Variants in DAW1 observed in about 807,000 individuals in gnomAD.
DAW1 encodes dynein assembly factor with WD repeats 1.
DAW1 carries 47 observed loss-of-function variants against 56.5 expected under a neutral mutation model. The ratio of observed to expected loss-of-function variants is 0.83; its 90% CI spans 0.66 to 1.06. The LOEUF is 1.06. Among genes scored for constraint, DAW1 ranks in the 50% least tolerant of loss-of-function variants. The probability of loss-of-function intolerance (pLI) is 0.00; values close to 1 mark genes in which losing one functional copy is unlikely to be tolerated. For synonymous variants in DAW1, 190 were observed against 179.0 expected (o/e 1.06, Z -0.49); for missense variants, 505 against 499.3 (o/e 1.01, Z -0.11).
chr2:227,871,701 G>T lies in DAW1; in HGVS notation c.12G>T (p.Lys4Asn), dbSNP rs747984836. 8.7e-6 allele frequency: 14 copies of T among 1,613,782 alleles called. No homozygotes were observed. The highest frequency in any genetic ancestry group is 1.2e-5 in the Non-Finnish European group (14 of 1,179,928). ...AAGAGAGCAAGAAAATGAAGCTCAA[G>T]AGCCTCCTGCTCCGGTATTACCCGC... The part of the protein sequence containing the change: MKL[K>N]SLLLRYYPPG... Residue 4 changes from lysine (K) to asparagine (N), a missense_variant, in exon 1 of 13, where the codon AAG (lysine) becomes AAT (asparagine). Transcript: ENST00000309931.
chr2:227,915,565 T>C (rs925194354), intron 10 of DAW1, among the ~76,000 whole-genome samples: 1 of 152,130 alleles, frequency 6.6e-6, no homozygotes, highest in African/African-American at 2.4e-5. Flanking sequence ...AAACTATTTC[T>C]GTGACACCTC....
chr2:227,922,587 G>T (rs1407077546), intron 12 of DAW1, among the ~76,000 whole-genome samples: 2 of 152,148 alleles, frequency 1.3e-5, no homozygotes, highest in East Asian at 3.9e-4. Context: ...AGTCTAATAA[G>T]TTAAATGCCA....
At chr2:227,888,028 T>C (rs1447871787) in intron 2 of DAW1, among the ~76,000 whole-genome samples, 1 of 152,210 alleles carries the variant, frequency 6.6e-6, no homozygotes, top group Non-Finnish European at 1.5e-5. Flanking sequence ...TGTTATGAAA[T>C]TAATTATCTT....
intron 10 of DAW1, chr2:227,912,239 CT>C (rs765831724): frequency 4.2e-6 from 2 of 472,038 alleles, no homozygotes; most frequent in Non-Finnish European, 3.9e-6. Flanking sequence ...TTCTCTTTTT[CT>C]TTTTTTCTTT....
rs551897975 is a variant in DAW1 at position 227,893,260 on chromosome 2, ACT to A, written c.318-532_318-531del. Among the ~76,000 whole-genome samples, 386 of 130,470 alleles carry A rather than the reference ACT, an allele frequency of 3.0e-3. 2 individuals carry two copies. The highest frequency in any genetic ancestry group is 0.011 in the African/African-American group (362 of 33,880). The allele number at this position is 130,470 out of a possible 152,430, so 85.6% of individuals were successfully genotyped here. ...ACTCCAGCCTGGGTGACAGAGCAAG[ACT>A]CTGTCTCGGGGGTGGGGTGGGGGTT... is the stretch of plus-strand genomic sequence containing the variant. On this transcript the variant is annotated intron_variant, in intron 4 of 12. Transcript: ENST00000309931.
chr2:227,898,326 T>C, intron 6 of DAW1, 45 bp downstream of exon 6: 1 of 1,005,436 alleles, frequency 9.9e-7, no homozygotes, highest in Admixed American at 4.3e-5. Context: ...TATATATATA[T>C]ATTATTTTCT....
At position 227,889,836 on chromosome 2, in the gene DAW1, CT is replaced by C; in HGVS notation, c.114-14del. The C allele has an allele frequency of 1.3e-6, 2 of 1,540,660 alleles. No homozygotes were observed. Among genetic ancestry groups the C allele is most frequent in the Non-Finnish European group, 1.7e-6 (2 of 1,151,780 alleles). ...ATTTTGACATAAAATAAAAGAAACTCTTTTTTGGGTGTATTTCAGCACTGAT... is the reference window on the plus strand; with the variant it reads ...ATTTTGACATAAAATAAAAGAAACTCTTTTTGGGTGTATTTCAGCACTGAT... On this transcript the variant is annotated intron_variant, in intron 2 of 12. Transcript: ENST00000309931.
intron 1 of DAW1, chr2:227,876,332 C>T: frequency 1.1e-6 from 1 of 945,242 alleles, no homozygotes; most frequent in Non-Finnish European, 1.4e-6. Flanking sequence ...GCCTAGGATT[C>T]TTAGGCTCAC....
At position 227,912,382 on chromosome 2, in the gene DAW1, C is replaced by G. The variant is rs777233063; in HGVS notation, c.973+5130C>G. On this transcript the variant is annotated intron_variant, in intron 10 of 12. Transcript: ENST00000309931. ...CGAGTTATGTCACGTTCTTGGTAATCATGTTTGATGTTATCCGGTGTGTTC... is the reference window on the plus strand; with the variant it reads ...CGAGTTATGTCACGTTCTTGGTAATGATGTTTGATGTTATCCGGTGTGTTC... 9.2e-6 allele frequency: 12 copies of G among 1,304,768 alleles called. No individual in the cohort carries two copies. In the South Asian group the frequency reaches 1.4e-4, roughly 15 times the overall value. The allele number at this position is 1,304,768 out of a possible 1,614,324, so 80.8% of individuals were successfully genotyped here.
At chr2:227,888,655 C>A (rs115439229) in intron 2 of DAW1, among the ~76,000 whole-genome samples, 185 of 152,366 alleles carry the variant, frequency 1.2e-3, no homozygotes, top group African/African-American at 4.3e-3. Context: ...AGCTCCAACC[C>A]TGACTCTGGG....
At chr2:227,884,766 G>A (rs1355343574) in intron 1 of DAW1, among the ~76,000 whole-genome samples, 1 of 152,186 alleles carries the variant, frequency 6.6e-6, no homozygotes, top group African/African-American at 2.4e-5. Flanking sequence ...AGACATCCCT[G>A]GATGTCACCG....
intron 1 of DAW1, chr2:227,872,222 G>A (rs1219533758): frequency 3.5e-5 from 5 of 144,084 alleles, no homozygotes; most frequent in African/African-American, 1.3e-4. Context: ...AGAAATAGGA[G>A]TGCAATTCTT....
At chr2:227,902,926 C>T (rs1691580807) in intron 6 of DAW1, 76 bp from the exon 7 acceptor site, 2 of 1,429,502 alleles carry the variant, frequency 1.4e-6, no homozygotes, top group Non-Finnish European at 2.0e-6. Context: ...GTAATTGCAT[C>T]TGGAAGATTT....
chr2:227,893,819 G>T lies in DAW1; in HGVS notation c.342G>T (p.Arg114=), dbSNP rs1379406195. 1.9e-6 allele frequency: 3 copies of T among 1,613,370 alleles called. No individual in the cohort carries two copies. The highest frequency in any genetic ancestry group is 2.5e-6 in the Non-Finnish European group (3 of 1,179,758). ...GSCFITGSYD[R]TCKLWDTASG... ...GCTTTATCACAGGAAGCTATGATCG[G>T]ACGTGCAAGCTCTGGGACACTGCGT... The change falls in exon 5 of 13, where the codon CGG becomes CGT. Residue 114 remains arginine (R), a synonymous_variant. Coordinates refer to ENST00000309931, the MANE Select transcript of DAW1 (RefSeq NM_178821.3).
At chr2:227,896,628 G>GTGTA (rs143231351) in intron 5 of DAW1, among the ~76,000 whole-genome samples, 1 of 145,590 alleles carries the variant, frequency 6.9e-6, no homozygotes, top group Non-Finnish European at 1.5e-5. Context: ...GTGTGTGTGT[G>GTGTA]TGTATGAGAG....
intron 2 of DAW1, among the ~76,000 whole-genome samples, chr2:227,887,921 G>A (rs1691169859): frequency 1.3e-5 from 2 of 152,228 alleles, no homozygotes; most frequent in African/African-American, 4.8e-5. Flanking sequence ...CAGGGTTGGA[G>A]CGTGTAGATT....
At chr2:227,893,438 G>T (rs1691322419) in intron 4 of DAW1, among the ~76,000 whole-genome samples, 2 of 152,136 alleles carry the variant, frequency 1.3e-5, no homozygotes, top group African/African-American at 4.8e-5. Context: ...GGCTGAGGCA[G>T]GCGGGTCACT....
intron 8 of DAW1, 91 bp downstream of exon 8, chr2:227,905,126 A>T (rs1347239629): frequency 1.0e-6 from 1 of 974,106 alleles, no homozygotes; most frequent in Admixed American, 2.6e-5. Context: ...CTATCTATTA[A>T]CTCTGCTTTG....
At chr2:227,877,581 A>G (rs1423686227) in intron 1 of DAW1, among the ~76,000 whole-genome samples, 1 of 152,236 alleles carries the variant, frequency 6.6e-6, no homozygotes, top group East Asian at 1.9e-4. Context: ...GGCACCAGGG[A>G]CTGGTTTCAT....
Sources: allele counts gnomAD v4.1 joint callset (sites outside exome capture counted in the v4.1 genomes callset), GRCh38; gene constraint gnomAD v4.1.1; transcripts MANE v1.5; gene names NCBI Gene and HGNC (gene_info 2026-07-23, HGNC 2026-07-21).